Variants in SLC29A4 observed in about 807,000 individuals in gnomAD.
The protein encoded by SLC29A4 is solute carrier family 29 member 4.
SLC29A4 carries 36 observed loss-of-function variants against 43.9 expected under a neutral mutation model. That is an observed-to-expected ratio of 0.82 (90% CI 0.63 to 1.08). The LOEUF (loss-of-function observed/expected upper bound fraction) is 1.08, where lower values mean the gene tolerates loss of function less well. Ranked by LOEUF, SLC29A4 falls within the 50% of genes least tolerant of loss-of-function variation. SLC29A4 has a pLI of 0.00. For synonymous variants in SLC29A4, 491 were observed against 338.0 expected (o/e 1.45, Z -4.97); for missense variants, 869 against 755.3 (o/e 1.15, Z -1.77).
At position 5,291,133 on chromosome 7, in the gene SLC29A4, T is replaced by C; in HGVS notation, c.311T>C (p.Ile104Thr). Residue 104 changes from isoleucine (I) to threonine (T), a missense_variant, in exon 4 of 11, where the codon ATC (isoleucine) becomes ACC (threonine). Transcript: ENST00000396872. ...YLHHKYPGTS[I>T]VFDMSLTYIL... ...CTCTGGCCCTCTGCAGGGACCTCCA[T>C]CGTGTTTGACATGAGCCTCACCTAC... 2 of 1,613,768 alleles carry C rather than the reference T, an allele frequency of 1.2e-6. No individual in the cohort carries two copies. Among genetic ancestry groups the C allele is most frequent in the Non-Finnish European group, 8.5e-7 (1 of 1,179,982 alleles).
At chr7:5,297,277 G>GCCCAGCCTCTCACCTGCAT (rs1785774251) in intron 7 of SLC29A4, 79 bp downstream of exon 7, 6 of 1,411,372 alleles carry the variant, frequency 4.3e-6, no homozygotes, top group Non-Finnish European at 5.6e-6. Flanking sequence ...AGTACCTGGG[G>GCCCAGCCTCTCACCTGCAT]CCCAGCCTCT....
At chr7:5,302,631 G>C (rs1786247185) in intron 10 of SLC29A4, among the ~76,000 whole-genome samples, 166 bp from the exon 11 acceptor site, 1 of 152,198 alleles carries the variant, frequency 6.6e-6, no homozygotes, top group East Asian at 1.9e-4. Flanking sequence ...GAAGGAATGA[G>C]GAAGGACAGG....
At position 5,291,757 on chromosome 7, in the gene SLC29A4, C is replaced by T. The variant is rs1268487880; in HGVS notation, c.480C>T (p.Phe160=). The T allele has an allele frequency of 1.9e-5, 30 of 1,611,888 alleles. No individual in the cohort carries two copies. In the Admixed American group the frequency reaches 4.0e-4, roughly 21 times the overall value. Residue 160 remains phenylalanine, a synonymous_variant, in exon 5 of 11, where the codon TTC becomes TTT. Transcript: ENST00000396872. ...ISICDVWLQL[F]SRDQAYAINL... ...TCTGCGACGTGTGGCTGCAGCTCTT[C>T]TCTCGGGACCAGGCCTACGCCATCA...
At chr7:5,297,368 G>A (rs905942389) in intron 7 of SLC29A4, among the ~76,000 whole-genome samples, 170 bp downstream of exon 7, 2 of 152,216 alleles carry the variant, frequency 1.3e-5, no homozygotes, top group Admixed American at 1.3e-4. Flanking sequence ...TACTCTTACT[G>A]ATGTGGCTTC....
At chr7:5,284,410 G>A (rs1316240129) in intron 1 of SLC29A4, among the ~76,000 whole-genome samples, 1 of 152,146 alleles carries the variant, frequency 6.6e-6, no homozygotes, top group Non-Finnish European at 1.5e-5. Context: ...CTACTGAGTT[G>A]TGAGGTGGGG....
At chr7:5,299,582 G>A (rs1329758109) in intron 9 of SLC29A4, among the ~76,000 whole-genome samples, 155 bp downstream of exon 9, 1 of 152,232 alleles carries the variant, frequency 6.6e-6, no homozygotes, top group Non-Finnish European at 1.5e-5. Flanking sequence ...CCTGGACAGT[G>A]TCCTCTGGAG....
chr7:5,286,991 A>G lies in SLC29A4; in HGVS notation c.-8-818A>G, dbSNP rs1784994425. Among the ~76,000 whole-genome samples the G allele has an allele frequency of 4.6e-5, 7 of 152,100 alleles. No homozygotes were observed. The South Asian group carries it at 1.5e-3, about 32-fold the overall frequency. On this transcript the variant is annotated intron_variant, in intron 1 of 10. Transcript: ENST00000396872. ...TACCGCCAAAGTATTCCTCCACTCC[A>G]TCTATTTCTCACCGTGCCCACTGCC... is the stretch of plus-strand genomic sequence containing the variant.
At chr7:5,289,295 G>A (rs769989936) in intron 2 of SLC29A4, among the ~76,000 whole-genome samples, 21 of 152,146 alleles carry the variant, frequency 1.4e-4, no homozygotes, top group Admixed American at 2.0e-4. Context: ...TACTTCAGAG[G>A]CTGAGACAGG....
At chr7:5,299,208 G>C in intron 8 of SLC29A4, 32 bp from the exon 9 acceptor site, 1 of 1,600,172 alleles carries the variant, frequency 6.2e-7, no homozygotes, top group East Asian at 2.2e-5. Flanking sequence ...CCCCGTGGGC[G>C]CTGCCTCTGA....
rs1261308016 is a variant in SLC29A4 at position 5,300,546 on chromosome 7, AC to A, written c.1338del (p.Ala447ProfsTer22). On this transcript the variant is annotated frameshift_variant, in exon 10 of 11. Transcript: ENST00000396872. LOFTEE classifies it high-confidence loss of function. ...VYPSGMPALRHPAWPCIFSLL... is the reference protein window; with the variant it reads ...VYPSGMPALRXPAWPCIFSLL... Reference sequence around the variant, plus strand: ...CCCAGCGGCATGCCCGCCCTCCGTCACCCCGCCTGGCCCTGCATCTTCTCAC... The same window carrying A: ...CCCAGCGGCATGCCCGCCCTCCGTCACCCGCCTGGCCCTGCATCTTCTCAC... 3 of 1,611,808 alleles carry A rather than the reference AC, an allele frequency of 1.9e-6. No homozygotes were observed. The highest frequency in any genetic ancestry group is 2.5e-6 in the Non-Finnish European group (3 of 1,179,676).
At chr7:5,299,665 A>G (rs1175845065) in intron 9 of SLC29A4, among the ~76,000 whole-genome samples, 1 of 152,060 alleles carries the variant, frequency 6.6e-6, no homozygotes, top group East Asian at 1.9e-4. Flanking sequence ...CGTGGCCCTC[A>G]CCCTCTCGCC....
chr7:5,288,009 G>A, intron 2 of SLC29A4, 24 bp downstream of exon 2: 3 of 1,591,508 alleles, frequency 1.9e-6, no homozygotes, highest in Middle Eastern at 2.3e-4. Flanking sequence ...CGGGCAAGGT[G>A]CGGGTCTTGC....
At chr7:5,289,694 C>T (rs1037398144) in intron 2 of SLC29A4, among the ~76,000 whole-genome samples, 2 of 152,052 alleles carry the variant, frequency 1.3e-5, no homozygotes, top group South Asian at 2.1e-4. Flanking sequence ...CAGACCATCA[C>T]GGTCCCCCCC....
intron 10 of SLC29A4, among the ~76,000 whole-genome samples, chr7:5,302,401 G>C (rs1242531305): frequency 1.3e-5 from 2 of 152,186 alleles, no homozygotes; most frequent in African/African-American, 2.4e-5. Flanking sequence ...AGGTTAGCCA[G>C]GCACGGTGGT....
rs555771451 is a variant in SLC29A4, at chr7:5,286,903, G to A, written c.-8-906G>A. 7.2e-5 allele frequency among the ~76,000 whole-genome samples: 11 copies of A among 152,362 alleles called. No individual in the cohort carries two copies. In the South Asian group the frequency reaches 1.9e-3, roughly 26 times the overall value. ...CCAGAGGACACTGCAGCGCGGTGCA[G>A]GCACGCGTGAGGCTCACTCATGTCA... On this transcript the variant is annotated intron_variant, in intron 1 of 10. Coordinates refer to ENST00000396872, the MANE Select transcript of SLC29A4 (RefSeq NM_153247.4).
At chr7:5,284,346 C>T (rs1186592838) in intron 1 of SLC29A4, among the ~76,000 whole-genome samples, 1 of 152,176 alleles carries the variant, frequency 6.6e-6, no homozygotes, top group Non-Finnish European at 1.5e-5. Context: ...GAGCCTACCC[C>T]ACCAGCCACC....
chr7:5,288,763 C>T (rs186191867), intron 2 of SLC29A4, among the ~76,000 whole-genome samples: 1 of 152,148 alleles, frequency 6.6e-6, no homozygotes, highest in Admixed American at 6.5e-5. Flanking sequence ...AGGCAAGGGC[C>T]TAAACCTCTC....
In SLC29A4 at chr7:5,294,905, G is replaced by A. The variant is rs1456705541; in HGVS notation, c.590G>A (p.Arg197Gln). 22 of 1,610,796 alleles carry A rather than the reference G, an allele frequency of 1.4e-5. No individual in the cohort carries two copies. Among genetic ancestry groups the A allele is most frequent in the South Asian group, 1.2e-4 (11 of 90,680 alleles). The change falls in exon 6 of 11, where the codon CGG becomes CAG. Residue 197 changes from arginine to glutamine, a missense_variant. By Grantham distance (43) the Arg-to-Gln change is conservative. Transcript: ENST00000396872. ...FYGYTGMLPK[R>Q]YTQGVMTGES... ...GGGTACACGGGGATGCTGCCCAAGC[G>A]GTACACGCAGGGGGTGATGACCGGG...
intron 10 of SLC29A4, among the ~76,000 whole-genome samples, chr7:5,302,033 C>G (rs941083036): frequency 6.6e-6 from 1 of 152,194 alleles, no homozygotes; most frequent in African/African-American, 2.4e-5. Flanking sequence ...TCACTGCAAC[C>G]TCTGCCTCGC....
Sources: allele counts gnomAD v4.1 joint callset (sites outside exome capture counted in the v4.1 genomes callset), GRCh38; gene constraint gnomAD v4.1.1; transcripts MANE v1.5; gene names NCBI Gene and HGNC (gene_info 2026-07-23, HGNC 2026-07-21).